Variants in LRRC7 observed in about 807,000 individuals in gnomAD.
LRRC7 encodes leucine-rich repeat-containing protein 7.
Under a neutral mutation model 175.7 loss-of-function variants are expected in LRRC7, and 23 were observed. The ratio of observed to expected loss-of-function variants is 0.13; its 90% CI spans 0.09 to 0.19. The LOEUF is 0.19. Among genes scored for constraint, LRRC7 ranks in the 10% least tolerant of loss-of-function variants. The pLI is 1.00. For synonymous variants in LRRC7, 685 were observed against 680.9 expected (o/e 1.01, Z -0.09); for missense variants, 1,354 against 1,904.7 (o/e 0.71, Z 5.38).
At chr1:69,993,695 A>G (rs1358098638) in intron 10 of LRRC7, among the ~76,000 whole-genome samples, 1 of 152,212 alleles carries the variant, frequency 6.6e-6, no homozygotes, top group African/African-American at 2.4e-5. Flanking sequence ...TATGTCAATT[A>G]GTAAAATTTT....
chr1:69,968,897 C>T (rs1393457713), intron 8 of LRRC7, among the ~76,000 whole-genome samples: 1 of 151,916 alleles, frequency 6.6e-6, no homozygotes, highest in East Asian at 1.9e-4. Context: ...CAGCTCACTG[C>T]AAGCCCCGCC....
intron 2 of LRRC7, among the ~76,000 whole-genome samples, chr1:69,741,870 A>AG (rs1668750183): frequency 6.6e-6 from 1 of 152,038 alleles, no homozygotes; most frequent in Admixed American, 6.6e-5. Flanking sequence ...TCCACAGAGC[A>AG]GCAAGATACA....
chr1:69,678,089 A>G (rs1219726431), intron 1 of LRRC7, among the ~76,000 whole-genome samples: 2 of 152,052 alleles, frequency 1.3e-5, no homozygotes, highest in Non-Finnish European at 2.9e-5. Context: ...GTGCTTCAAT[A>G]TTTGAATTCT....
At chr1:69,857,007 A>C (rs1163351019) in intron 7 of LRRC7, among the ~76,000 whole-genome samples, 1 of 152,190 alleles carries the variant, frequency 6.6e-6, no homozygotes, top group Non-Finnish European at 1.5e-5. Flanking sequence ...AACCAAAGAC[A>C]AAAACCACGT....
intron 7 of LRRC7, among the ~76,000 whole-genome samples, chr1:69,859,983 A>G (rs1684185200): frequency 6.6e-6 from 1 of 152,036 alleles, no homozygotes; most frequent in African/African-American, 2.4e-5. Context: ...TACTACAGCC[A>G]ACTTACGATC....
intron 2 of LRRC7, among the ~76,000 whole-genome samples, chr1:69,709,193 A>G (rs1343727391): frequency 6.6e-6 from 1 of 152,216 alleles, no homozygotes; most frequent in African/African-American, 2.4e-5. Context: ...ACTCCAAAAT[A>G]ACATAGTAAA....
At chr1:69,974,093 C>T (rs1652561436) in intron 8 of LRRC7, among the ~76,000 whole-genome samples, 1 of 152,052 alleles carries the variant, frequency 6.6e-6, no homozygotes, top group Non-Finnish European at 1.5e-5. Flanking sequence ...AGTTTTTTGA[C>T]TTGTGTAAAT....
chr1:69,797,343 C>G (rs561303596), intron 4 of LRRC7, among the ~76,000 whole-genome samples: 2 of 152,264 alleles, frequency 1.3e-5, no homozygotes, highest in South Asian at 2.1e-4. Context: ...TTCCCCTGAG[C>G]TTCAGACTAG....
intron 1 of LRRC7, among the ~76,000 whole-genome samples, chr1:69,652,271 C>G (rs528298988): frequency 6.9e-4 from 105 of 152,132 alleles, no homozygotes; most frequent in Non-Finnish European, 1.3e-3. Flanking sequence ...ACTGTTAGAA[C>G]TAATATATCA....
chr1:69,696,744 T>A (rs1321448360), intron 2 of LRRC7, among the ~76,000 whole-genome samples: 1 of 152,172 alleles, frequency 6.6e-6, no homozygotes, highest in Admixed American at 6.5e-5. Flanking sequence ...ATGTGAGACG[T>A]GATTGTTTAA....
At chr1:69,810,908 C>T (rs1051302639) in intron 4 of LRRC7, among the ~76,000 whole-genome samples, 4 of 152,082 alleles carry the variant, frequency 2.6e-5, no homozygotes, top group African/African-American at 7.2e-5. Context: ...GCAACAAAAG[C>T]CAAAATTGAC....
At chr1:69,588,402 T>A (rs1646488393) in intron 1 of LRRC7, among the ~76,000 whole-genome samples, 2 of 152,188 alleles carry the variant, frequency 1.3e-5, no homozygotes, top group African/African-American at 4.8e-5. Flanking sequence ...GACTAACCTA[T>A]AGACACATCA....
chr1:69,599,903 A>G (rs1374004272), intron 1 of LRRC7, among the ~76,000 whole-genome samples: 1 of 152,166 alleles, frequency 6.6e-6, no homozygotes, highest in Non-Finnish European at 1.5e-5. Context: ...GTCTGCAAAA[A>G]ACGTTTACTC....
At chr1:69,803,574 T>A (rs1676770713) in intron 4 of LRRC7, among the ~76,000 whole-genome samples, 1 of 151,440 alleles carries the variant, frequency 6.6e-6, no homozygotes. Flanking sequence ...ACATTACTAA[T>A]TTTGATGTTT....
chr1:69,898,496 T>G (rs1646041438), intron 7 of LRRC7, among the ~76,000 whole-genome samples: 1 of 152,218 alleles, frequency 6.6e-6, no homozygotes, highest in Non-Finnish European at 1.5e-5. Context: ...GCAAGACAAG[T>G]TAAACTTAGA....
chr1:69,622,720 C>G (rs1217291209), intron 1 of LRRC7, among the ~76,000 whole-genome samples: 1 of 152,120 alleles, frequency 6.6e-6, no homozygotes, highest in East Asian at 1.9e-4. Flanking sequence ...GGAGAAGTAA[C>G]AGTGCTCTAA....
At chr1:69,696,947 T>C (rs1662679689) in intron 2 of LRRC7, among the ~76,000 whole-genome samples, 1 of 152,220 alleles carries the variant, frequency 6.6e-6, no homozygotes, top group Admixed American at 6.5e-5. Flanking sequence ...GGTATTCCTT[T>C]ATATGAATGC....
At chr1:69,945,991 C>T (rs1322785226) in intron 8 of LRRC7, among the ~76,000 whole-genome samples, 5 of 152,050 alleles carry the variant, frequency 3.3e-5, no homozygotes, top group African/African-American at 1.2e-4. Flanking sequence ...ATTTCTATGG[C>T]TAGGATTTCC....
intron 1 of LRRC7, among the ~76,000 whole-genome samples, chr1:69,642,956 G>A (rs1654458972): frequency 6.6e-6 from 1 of 152,082 alleles, no homozygotes; most frequent in Non-Finnish European, 1.5e-5. Context: ...TGGAGAGCCA[G>A]GAAAGCCAGA....
Sources: gnomAD v4.1 joint callset for allele counts (sites outside exome capture counted in the v4.1 genomes callset) on GRCh38, gnomAD v4.1.1 for gene constraint, MANE v1.5 for transcripts, NCBI Gene and HGNC (gene_info 2026-07-23, HGNC 2026-07-21) for gene names.